CSMD3: variants seen among roughly 807,000 people sequenced by gnomAD.
CSMD3 encodes the protein CUB and Sushi multiple domains 3, also known as CUB and sushi domain-containing protein 3.
CSMD3 carries 177 observed loss-of-function variants against 435.2 expected under a neutral mutation model. That is an observed-to-expected ratio of 0.41 (90% CI 0.36 to 0.46). The LOEUF (loss-of-function observed/expected upper bound fraction) is 0.46, where lower values mean the gene tolerates loss of function less well. Ranked by LOEUF, CSMD3 falls within the 20% of genes least tolerant of loss-of-function variation. The pLI is 0.34. For missense variants in CSMD3, 4,265 were observed against 4,504.6 expected (o/e 0.95, Z 1.52); for synonymous variants, 1,656 against 1,520.5 (o/e 1.09, Z -2.07).
At chr8:112,638,210 A>C (rs1726167441) in intron 21 of CSMD3, among the ~76,000 whole-genome samples, 1 of 148,162 alleles carries the variant, frequency 6.7e-6, no homozygotes, top group Non-Finnish European at 1.5e-5. Flanking sequence ...TATAATTAAA[A>C]TATATAATTT....
In CSMD3 at chr8:112,656,224, A is replaced by G. The variant is rs11992014; in HGVS notation, c.2934T>C (p.Ser978=). The stretch of plus-strand genomic sequence containing the variant: ...TTGTAAATAGAAGGTATATAAAATT[A>G]CTGCTACTAAATAGAAACTGGGGCA... ...TQVPQFLFSS[S]NFIYLLFTTD... The change falls in exon 18 of 71, where the codon AGT becomes AGC. Residue 978 remains serine, a synonymous_variant. Transcript: ENST00000297405. 9,020 of 1,594,416 alleles carry G rather than the reference A, an allele frequency of 5.7e-3. 427 individuals carry two copies. The African/African-American group carries it at 0.1, about 18-fold the overall frequency.
chr8:112,900,689 G>A (rs1209044518), intron 10 of CSMD3, among the ~76,000 whole-genome samples: 1 of 151,226 alleles, frequency 6.6e-6, no homozygotes, highest in Non-Finnish European at 1.5e-5. Flanking sequence ...TAACAAATTT[G>A]TTTATGAAGA....
At chr8:112,606,784 G>A (rs1042979729) in intron 22 of CSMD3, among the ~76,000 whole-genome samples, 9 of 151,968 alleles carry the variant, frequency 5.9e-5, no homozygotes, top group Non-Finnish European at 7.4e-5. Context: ...ATGATTGTGA[G>A]CAATAAATGG....
At chr8:112,819,787 T>C (rs1479503670) in intron 12 of CSMD3, among the ~76,000 whole-genome samples, 1 of 152,172 alleles carries the variant, frequency 6.6e-6, no homozygotes, top group East Asian at 1.9e-4. Context: ...TGATGAAGTA[T>C]TTATACTTTG....
intron 30 of CSMD3, among the ~76,000 whole-genome samples, chr8:112,494,515 C>CT (rs1223780501): frequency 1.1e-5 from 1 of 92,834 alleles, no homozygotes; most frequent in African/African-American, 3.9e-5. Context: ...TTCTTTCTTT[C>CT]TTTCTTTCTT....
At chr8:112,887,973 G>A (rs1347890933) in intron 10 of CSMD3, among the ~76,000 whole-genome samples, 1 of 151,626 alleles carries the variant, frequency 6.6e-6, no homozygotes, top group Non-Finnish European at 1.5e-5. Context: ...ATAAACCACA[G>A]CAAATTGTTT....
At chr8:113,329,475 G>A (rs1450507010) in intron 1 of CSMD3, among the ~76,000 whole-genome samples, 2 of 152,092 alleles carry the variant, frequency 1.3e-5, no homozygotes, top group Non-Finnish European at 2.9e-5. Flanking sequence ...TAATGAACAT[G>A]AATAAGCAAA....
intron 10 of CSMD3, among the ~76,000 whole-genome samples, chr8:112,901,251 A>C (rs2082102256): frequency 6.6e-6 from 1 of 151,328 alleles, no homozygotes; most frequent in African/African-American, 2.4e-5. Flanking sequence ...CTTATGACTC[A>C]AACTCTTTTG....
At chr8:113,086,235 C>T (rs974114583) in intron 5 of CSMD3, among the ~76,000 whole-genome samples, 6 of 146,774 alleles carry the variant, frequency 4.1e-5, no homozygotes, top group Non-Finnish European at 6.0e-5. Context: ...GGCAACAAAG[C>T]GAGACTCCGT....
intron 6 of CSMD3, among the ~76,000 whole-genome samples, chr8:112,978,934 CA>C (rs2084948874): frequency 6.6e-6 from 1 of 151,638 alleles, no homozygotes; most frequent in South Asian, 2.1e-4. Flanking sequence ...ATAATATTAG[CA>C]ATAATAAAAA....
At chr8:113,376,078 T>G (rs2094380756) in intron 1 of CSMD3, among the ~76,000 whole-genome samples, 1 of 152,170 alleles carries the variant, frequency 6.6e-6, no homozygotes, top group Non-Finnish European at 1.5e-5. Flanking sequence ...TAAGATGAAC[T>G]CAAGCTCATT....
chr8:112,374,124 G>A (rs761604733), intron 38 of CSMD3, among the ~76,000 whole-genome samples: 12 of 151,934 alleles, frequency 7.9e-5, no homozygotes, highest in Non-Finnish European at 1.5e-4. Flanking sequence ...CCATTCTCCC[G>A]AATTTAAACT....
At chr8:112,948,280 G>A (rs1272042230) in intron 8 of CSMD3, among the ~76,000 whole-genome samples, 2 of 151,876 alleles carry the variant, frequency 1.3e-5, no homozygotes, top group Non-Finnish European at 2.9e-5. Flanking sequence ...TATTATTTTT[G>A]AAGGTGTAAT....
chr8:113,255,013 T>C (rs1463818715), intron 3 of CSMD3, among the ~76,000 whole-genome samples: 1 of 152,074 alleles, frequency 6.6e-6, no homozygotes, highest in Non-Finnish European at 1.5e-5. Context: ...AGAAAGCAAG[T>C]AAAAGAATGG....
chr8:113,273,300 A>C (rs893641430), intron 3 of CSMD3, among the ~76,000 whole-genome samples: 2 of 152,024 alleles, frequency 1.3e-5, no homozygotes, highest in East Asian at 1.9e-4. Context: ...TTAAAAAAAA[A>C]CCTCAGCTCT....
intron 7 of CSMD3, among the ~76,000 whole-genome samples, chr8:112,968,695 G>A (rs2084521788): frequency 6.6e-6 from 1 of 151,778 alleles, no homozygotes; most frequent in Admixed American, 6.6e-5. Context: ...ATTTTTCTCT[G>A]TAATCTAATC....
intron 13 of CSMD3, among the ~76,000 whole-genome samples, chr8:112,745,619 A>G (rs939623679): frequency 6.6e-6 from 1 of 151,932 alleles, no homozygotes; most frequent in Admixed American, 6.6e-5. Context: ...TTATAAAATG[A>G]GTTTGTGTGG....
intron 6 of CSMD3, among the ~76,000 whole-genome samples, chr8:113,000,299 AG>A (rs2085814361): frequency 6.6e-6 from 1 of 152,056 alleles, no homozygotes; most frequent in East Asian, 1.9e-4. Flanking sequence ...GAATGAGAAG[AG>A]GATTTGGATA....
chr8:112,455,631 A>G (rs1816758523), intron 32 of CSMD3, among the ~76,000 whole-genome samples: 1 of 127,114 alleles, frequency 7.9e-6, no homozygotes, highest in African/African-American at 2.7e-5. Flanking sequence ...AAATAAATAA[A>G]TCAAAGCATA....
Sources: allele counts gnomAD v4.1 joint callset (sites outside exome capture counted in the v4.1 genomes callset), GRCh38; gene constraint gnomAD v4.1.1; transcripts MANE v1.5; gene names NCBI Gene and HGNC (gene_info 2026-07-23, HGNC 2026-07-21).